AKT2: variants seen among roughly 807,000 people sequenced by gnomAD.
AKT2 encodes AKT serine/threonine kinase 2, also known as RAC-beta serine/threonine-protein kinase.
In AKT2, 16 loss-of-function variants were observed where a neutral mutation model predicts 58.6. The observed-to-expected ratio is 0.27, with a 90% CI of 0.18 to 0.41. The LOEUF is 0.41. Among genes scored for constraint, AKT2 ranks in the 10% least tolerant of loss-of-function variants. The probability of loss-of-function intolerance (pLI) is 1.00; values close to 1 mark genes in which losing one functional copy is unlikely to be tolerated. For missense variants in AKT2, 438 were observed against 661.0 expected, an observed-to-expected ratio of 0.66 and a Z score of 3.70; for synonymous variants, 253 against 254.0, an observed-to-expected ratio of 1.00 and a Z score of 0.04.
At position 40,232,844 on chromosome 19, in the gene AKT2, A is replaced by G; in HGVS notation, c.*1028T>C. On this transcript the variant is annotated 3_prime_UTR_variant, in exon 14 of 14. Transcript: ENST00000392038. ...TCATGTTCAACCTTAAGGCTGCAGA[A>G]CGTGGGGCCCTGGGGAGAGGGAGGG... 4.2e-6 allele frequency: 1 copy of G among 236,834 alleles called. No individual in the cohort carries two copies. The allele number at this position is 236,834 out of a possible 1,614,324, so 14.7% of individuals were successfully genotyped here.
rs943038863 is a variant in AKT2 at position 40,234,055 on chromosome 19, A to G, written c.1367-104T>C. On this transcript the variant is annotated intron_variant, in intron 13 of 13. Coordinates refer to ENST00000392038, the MANE Select transcript of AKT2 (RefSeq NM_001626.6). The surrounding 1 kb of genome is among the most constrained non-coding windows in gnomAD (Gnocchi z 4.7). The stretch of plus-strand genomic sequence containing the variant: ...GCCCCAGCTGGCGGGGGCTGCCCAC[A>G]GGACAGGACAGGAAAGGCCCATCCC... The G allele has an allele frequency of 7.0e-6, 8 of 1,148,546 alleles. No individual in the cohort carries two copies. In the African/African-American group the frequency reaches 1.2e-4, roughly 18 times the overall value. 71.1% of individuals were successfully genotyped at this position (1,148,546 alleles called of 1,614,324 possible). A position where few individuals can be genotyped will look rare whatever the true frequency, so the allele number is the denominator to read the frequency against.
intron 4 of AKT2, among the ~76,000 whole-genome samples, chr19:40,249,127 C>A (rs1974960967): frequency 6.6e-6 from 1 of 152,068 alleles, no homozygotes; most frequent in Admixed American, 6.6e-5. Context: ...CTACGTGCCA[C>A]CATGTTAGAG....
At chr19:40,273,297 C>A (rs1461160956) in intron 1 of AKT2, among the ~76,000 whole-genome samples, 6 of 150,054 alleles carry the variant, frequency 4.0e-5, no homozygotes, top group African/African-American at 1.5e-4. Context: ...GCAGAGATTG[C>A]ACCACTGCAC....
Position 40,233,646 on chromosome 19 carries a change from G to T in AKT2, c.*226C>A, listed in dbSNP as rs765392207. On this transcript the variant is annotated 3_prime_UTR_variant, in exon 14 of 14. Transcript: ENST00000392038. This position sits in a 1 kb window ranked among gnomAD's most constrained non-coding sequence, Gnocchi z 4.3. ...ACAGCCCAGGCCTGGGCGGGAGGTG[G>T]AGTCTTCCAAATGCGAGTCTGGGCA... 29 of 758,006 alleles carry T rather than the reference G, an allele frequency of 3.8e-5. No individual in the cohort carries two copies. The highest frequency in any genetic ancestry group is 6.8e-5 in the Non-Finnish European group (28 of 413,846). 47.0% of individuals were successfully genotyped at this position (758,006 alleles called of 1,614,324 possible). A position where few individuals can be genotyped will look rare whatever the true frequency, so the allele number is the denominator to read the frequency against.
chr19:40,233,499 C>A lies in AKT2; in HGVS notation c.*373G>T, dbSNP rs1973819872. 1.0e-5 allele frequency: 6 copies of A among 582,574 alleles called. No homozygotes were observed. In the Admixed American group the frequency reaches 1.2e-4, roughly 12 times the overall value. 36.1% of individuals were successfully genotyped at this position (582,574 alleles called of 1,614,324 possible). ...CCAGAAGGCAGCCTTCGTCCAGATG[C>A]AGCAGCGCGGAGGCAGACACCAGCA... On this transcript the variant is annotated 3_prime_UTR_variant, in exon 14 of 14. Transcript: ENST00000392038. This position sits in a 1 kb window ranked among gnomAD's most constrained non-coding sequence, Gnocchi z 4.3.
At chr19:40,260,397 C>T (rs1237585326) in intron 2 of AKT2, among the ~76,000 whole-genome samples, 2 of 151,726 alleles carry the variant, frequency 1.3e-5, no homozygotes, top group African/African-American at 4.8e-5. Context: ...TTTGGGAGGC[C>T]GAGGTGGGCG....
In AKT2 at chr19:40,235,399, G is replaced by C. The variant is rs76653022; in HGVS notation, c.1176-49C>G. On this transcript the variant is annotated intron_variant, in intron 11 of 13. Coordinates refer to ENST00000392038, the MANE Select transcript of AKT2 (RefSeq NM_001626.6). This position sits in a 1 kb window ranked among gnomAD's most constrained non-coding sequence, Gnocchi z 6.3. ...CCTGCCTCCCGGAGCAGCTGGGTTC[G>C]GGCAGACGGGCTTTCGGAGCAGGCA... 1.9e-6 allele frequency: 3 copies of C among 1,578,468 alleles called. No individual in the cohort carries two copies. Among genetic ancestry groups the C allele is most frequent in the Non-Finnish European group, 2.6e-6 (3 of 1,150,320 alleles).
intron 6 of AKT2, chr19:40,241,447 G>A: frequency 8.8e-6 from 2 of 228,120 alleles, no homozygotes; most frequent in South Asian, 1.2e-4. Flanking sequence ...AAACAAGGCT[G>A]GCTAAACGCT....
chr19:40,241,762 G>T, intron 6 of AKT2, 176 bp downstream of exon 6: 2 of 981,338 alleles, frequency 2.0e-6, no homozygotes, highest in Non-Finnish European at 3.0e-6. Flanking sequence ...GGACTCAGCA[G>T]CAAGGCCTGC....
intron 7 of AKT2, chr19:40,239,455 T>C (rs1974246019): frequency 3.6e-6 from 1 of 276,832 alleles, no homozygotes; most frequent in Non-Finnish European, 7.0e-6. Flanking sequence ...CTTCAGCTCA[T>C]GACAACTCAA....
chr19:40,273,522 A>T (rs533258135), intron 1 of AKT2: 1 of 151,150 alleles, frequency 6.6e-6, no homozygotes, highest in Non-Finnish European at 1.5e-5. Context: ...AAAAAAAAAA[A>T]AGAGAGAGAC....
rs770221687 is a variant in AKT2, at chr19:40,247,924, A to G, written c.288-5237T>C. ...CATCGGTATTTTCTGGAACCTTCTC[A>G]TCCTCATTTGGGCTCAGGGCCAGGG... On this transcript the variant is annotated intron_variant, in intron 4 of 13. Transcript: ENST00000392038. Among the ~76,000 whole-genome samples the G allele has an allele frequency of 3.9e-5, 6 of 152,188 alleles. No individual in the cohort carries two copies. The South Asian group carries it at 1.0e-3, about 26-fold the overall frequency.
intron 7 of AKT2, 163 bp from the exon 8 acceptor site, chr19:40,239,136 T>C (rs1974219079): frequency 1.6e-5 from 10 of 621,342 alleles, no homozygotes. Flanking sequence ...GCTGCACCTT[T>C]TGGGGCATTA....
At chr19:40,255,696 C>T (rs1975495129) in intron 3 of AKT2, among the ~76,000 whole-genome samples, 1 of 152,090 alleles carries the variant, frequency 6.6e-6, no homozygotes, top group African/African-American at 2.4e-5. Flanking sequence ...GCCAATTCTG[C>T]TCCAAGGGTG....
intron 6 of AKT2, chr19:40,240,419 G>A (rs143744952): frequency 6.9e-6 from 4 of 580,240 alleles, no homozygotes; most frequent in African/African-American, 1.9e-5. Context: ...CGAGAGCCCC[G>A]AGGTGCCACC....
intron 6 of AKT2, chr19:40,240,935 C>T (rs145112246): frequency 2.6e-3 from 404 of 153,254 alleles, no homozygotes; most frequent in Non-Finnish European, 4.4e-3. Flanking sequence ...TACAGGTGCA[C>T]GCCACTATGC....
chr19:40,234,614 C>T lies in AKT2; in HGVS notation c.1366+431G>A, dbSNP rs1973896256. On this transcript the variant is annotated intron_variant, in intron 13 of 13. Coordinates refer to ENST00000392038, the MANE Select transcript of AKT2 (RefSeq NM_001626.6). This position sits in a 1 kb window ranked among gnomAD's most constrained non-coding sequence, Gnocchi z 4.7. ...TATTTCCTCTGGGATTCCCCAGTCCCTGGCCTCCCACGCCCTAGCCCTGAC... is the reference window on the plus strand; with the variant it reads ...TATTTCCTCTGGGATTCCCCAGTCCTTGGCCTCCCACGCCCTAGCCCTGAC... 2.2e-6 allele frequency: 1 copy of T among 462,908 alleles called. No homozygotes were observed. Among genetic ancestry groups the T allele is most frequent in the Admixed American group, 3.8e-5 (1 of 26,172 alleles). 28.7% of individuals were successfully genotyped at this position (462,908 alleles called of 1,614,324 possible).
intron 1 of AKT2, among the ~76,000 whole-genome samples, chr19:40,276,112 A>C (rs1478977659): frequency 6.6e-6 from 1 of 151,756 alleles, no homozygotes; most frequent in Non-Finnish European, 1.5e-5. Context: ...TAAAGGCAGG[A>C]GGCAGGGATG....
In AKT2 at chr19:40,238,766, G is replaced by A. The variant is rs895625070; in HGVS notation, c.708+139C>T. 16 of 907,894 alleles carry A rather than the reference G, an allele frequency of 1.8e-5. No individual in the cohort carries two copies. Among genetic ancestry groups the A allele is most frequent in the Non-Finnish European group, 2.1e-5 (12 of 562,444 alleles). The allele number at this position is 907,894 out of a possible 1,614,324, so 56.2% of individuals were successfully genotyped here. On this transcript the variant is annotated intron_variant, in intron 8 of 13. Transcript: ENST00000392038. This position sits in a 1 kb window ranked among gnomAD's most constrained non-coding sequence, Gnocchi z 5.1. ...GCCCCCCCAAAATGGAGACGAAGCC[G>A]CCTGCCTCAAGGGAGAGGGGCACTA... is the stretch of plus-strand genomic sequence containing the variant.
Sources: gnomAD v4.1 joint callset for allele counts (sites outside exome capture counted in the v4.1 genomes callset) on GRCh38, gnomAD v4.1.1 for gene constraint, Gnocchi (gnomAD v3.1) non-coding constraint, MANE v1.5 for transcripts, NCBI Gene and HGNC (gene_info 2026-07-23, HGNC 2026-07-21) for gene names.